C6: variants seen among roughly 807,000 people sequenced by gnomAD.
C6 encodes the protein complement component C6.
A neutral mutation model predicts 112.9 loss-of-function variants in C6; 101 were observed. That is an observed-to-expected ratio of 0.89 (90% CI 0.76 to 1.06). The LOEUF is 1.06. Ranked by LOEUF, C6 falls within the 50% of genes least tolerant of loss-of-function variation. The probability of loss-of-function intolerance (pLI) is 0.00; values close to 1 mark genes in which losing one functional copy is unlikely to be tolerated. For missense variants in C6, 1,202 were observed against 1,104.6 expected (o/e 1.09, Z -1.25); for synonymous variants, 431 against 384.1 (o/e 1.12, Z -1.43).
rs1044498258 is a variant in C6 at position 41,159,129 on chromosome 5, C to G, written c.1809G>C (p.Gly603=). 6.2e-7 allele frequency: 1 copy of G among 1,613,688 alleles called. No homozygotes were observed. Among genetic ancestry groups the G allele is most frequent in the Non-Finnish European group, 8.5e-7 (1 of 1,179,728 alleles). The change falls in exon 12 of 18, where the codon GGG becomes GGC. Residue 603 remains glycine (G), a synonymous_variant. Transcript: ENST00000337836. ...APQRGGKRCE[G]EKRQEEDCTF... ...TGCAGTCTTCCTCTTGTCGCTTCTC[C>G]CCCTCACAGCGTTTCCCTCCTCGTT...
chr5:41,229,346 T>TG (rs1739732492), intron 1 of C6, among the ~76,000 whole-genome samples: 1 of 151,336 alleles, frequency 6.6e-6, no homozygotes, highest in Non-Finnish European at 1.5e-5. Flanking sequence ...TTTTTTTTTT[T>TG]GCTGCATCCA....
At chr5:41,230,800 G>C (rs1352224842) in intron 1 of C6, among the ~76,000 whole-genome samples, 1 of 152,142 alleles carries the variant, frequency 6.6e-6, no homozygotes, top group South Asian at 2.1e-4. Flanking sequence ...TGGAGGCCCA[G>C]CTGTAAAATT....
At chr5:41,206,983 C>T (rs1158176741) in intron 1 of C6, among the ~76,000 whole-genome samples, 3 of 152,108 alleles carry the variant, frequency 2.0e-5, no homozygotes, top group South Asian at 2.1e-4. Context: ...AGAGAAAGGT[C>T]GGGTTACCCA....
At chr5:41,197,155 A>C (rs979438840) in intron 4 of C6, among the ~76,000 whole-genome samples, 2 of 152,144 alleles carry the variant, frequency 1.3e-5, no homozygotes, top group African/African-American at 4.8e-5. Flanking sequence ...CCAAGAAAGT[A>C]CTTGGTTTCA....
intron 4 of C6, among the ~76,000 whole-genome samples, chr5:41,196,320 G>GAC (rs538505165): frequency 6.6e-5 from 10 of 151,758 alleles, no homozygotes; most frequent in African/African-American, 1.9e-4. Context: ...TAACTTTATA[G>GAC]ACACACACAC....
rs1248018301 is a variant in C6 at position 41,149,500 on chromosome 5, G to C, written c.2382-18C>G. On this transcript the variant is annotated intron_variant, in intron 16 of 17. Coordinates refer to ENST00000337836, the MANE Select transcript of C6 (RefSeq NM_000065.5). ...AATGATGGCTGCCCAAGAGAGGAAAGCAAGCATTTCTATATGAAGATCAGA... is the reference window on the plus strand; with the variant it reads ...AATGATGGCTGCCCAAGAGAGGAAACCAAGCATTTCTATATGAAGATCAGA... The C allele has an allele frequency of 1.2e-6, 2 of 1,613,552 alleles. No individual in the cohort carries two copies. The highest frequency in any genetic ancestry group is 2.2e-5 in the South Asian group (2 of 91,076).
At chr5:41,158,207 A>T (rs1013629107) in intron 13 of C6, among the ~76,000 whole-genome samples, 1 of 152,108 alleles carries the variant, frequency 6.6e-6, no homozygotes, top group African/African-American at 2.4e-5. Context: ...TAAAAAAAAA[A>T]GTTGAAACTT....
chr5:41,211,708 A>C (rs1321228714), intron 1 of C6, among the ~76,000 whole-genome samples: 1 of 152,134 alleles, frequency 6.6e-6, no homozygotes, highest in Non-Finnish European at 1.5e-5. Context: ...AGCAAGAAAA[A>C]CTAAATAGAT....
At chr5:41,205,441 T>C (rs1387342071) in intron 1 of C6, among the ~76,000 whole-genome samples, 1 of 152,208 alleles carries the variant, frequency 6.6e-6, no homozygotes, top group African/African-American at 2.4e-5. Flanking sequence ...ACCTGGGATG[T>C]GCAAGGGGTC....
At chr5:41,180,562 C>A (rs1015243559) in intron 7 of C6, among the ~76,000 whole-genome samples, 1 of 151,862 alleles carries the variant, frequency 6.6e-6, no homozygotes, top group African/African-American at 2.4e-5. Context: ...CAGGAAAAGT[C>A]CAATACTTAG....
At chr5:41,208,931 T>G in intron 1 of C6, among the ~76,000 whole-genome samples, 1 of 152,092 alleles carries the variant, frequency 6.6e-6, no homozygotes, top group Admixed American at 6.6e-5. Flanking sequence ...AAGAGAATTT[T>G]AGACCAATAT....
At chr5:41,245,448 T>A (rs1740962020) in intron 1 of C6, among the ~76,000 whole-genome samples, 1 of 151,988 alleles carries the variant, frequency 6.6e-6, no homozygotes, top group African/African-American at 2.4e-5. Context: ...CTTGAACTCA[T>A]GGGTGGAGAT....
At chr5:41,256,643 A>G (rs1054580604) in intron 1 of C6, among the ~76,000 whole-genome samples, 2 of 152,154 alleles carry the variant, frequency 1.3e-5, no homozygotes, top group Admixed American at 6.5e-5. Context: ...GTTCTCTGGC[A>G]TAAAGCTTGC....
intron 1 of C6, among the ~76,000 whole-genome samples, chr5:41,239,750 C>T (rs1333125856): frequency 6.6e-6 from 1 of 152,122 alleles, no homozygotes. Context: ...CTTCCTTTCA[C>T]TTCTGGGTGT....
intron 1 of C6, among the ~76,000 whole-genome samples, chr5:41,234,876 T>G (rs1403417372): frequency 6.6e-6 from 1 of 152,114 alleles, no homozygotes; most frequent in African/African-American, 2.4e-5. Context: ...AGATAATTTA[T>G]TGTTGCCTGT....
Position 41,195,813 on chromosome 5 carries a change from C to G in C6, c.566G>C (p.Ser189Thr), listed in dbSNP as rs775903405. The G allele has an allele frequency of 6.2e-7, 1 of 1,613,922 alleles. No homozygotes were observed. The highest frequency in any genetic ancestry group is 1.7e-5 in the Admixed American group (1 of 59,994). ...VCTRKYNPIP[S>T]VQLMGNGFHF... ...ATACCCATTGCCCATCAACTGTACA[C>G]TAGGGATGGGATTATACTTCCGTGT... is the stretch of plus-strand genomic sequence containing the variant. Residue 189 changes from serine (S) to threonine (T), a missense_variant, in exon 5 of 18, where the codon AGT becomes ACT. By Grantham distance (58) the Ser-to-Thr change is moderately conservative. Transcript: ENST00000337836.
intron 1 of C6, among the ~76,000 whole-genome samples, chr5:41,246,655 A>G (rs184100316): frequency 1.3e-5 from 2 of 152,306 alleles, no homozygotes; most frequent in African/African-American, 4.8e-5. Context: ...AGTCCAGGGC[A>G]GTCTAACTCT....
intron 15 of C6, 95 bp from the exon 16 acceptor site, chr5:41,150,120 A>G (rs1746244625): frequency 1.2e-6 from 1 of 816,414 alleles, no homozygotes; most frequent in African/African-American, 1.7e-5. Context: ...TAAAGGATTC[A>G]TATTTATCTC....
chr5:41,172,563 T>G lies in C6; in HGVS notation c.1169-216A>C, dbSNP rs113169392. The G allele has an allele frequency of 1.3e-3, 769 of 597,202 alleles. 4 individuals carry two copies. The African/African-American group carries it at 0.013, about 10-fold the overall frequency. The allele number at this position is 597,202 out of a possible 1,614,324, so 37.0% of individuals were successfully genotyped here. A position where few individuals can be genotyped will look rare whatever the true frequency, so the allele number is the denominator to read the frequency against. On this transcript the variant is annotated intron_variant, in intron 8 of 17. Transcript: ENST00000337836. Reference sequence around the variant, plus strand: ...TGATCCTGAACAGGAGTCCCGTGAGTGCCCATCATCTCCCCTTTCAGCACT... The same window carrying G: ...TGATCCTGAACAGGAGTCCCGTGAGGGCCCATCATCTCCCCTTTCAGCACT...
Sources: allele counts gnomAD v4.1 joint callset (sites outside exome capture counted in the v4.1 genomes callset), GRCh38; gene constraint gnomAD v4.1.1; transcripts MANE v1.5; gene names NCBI Gene and HGNC (gene_info 2026-07-23, HGNC 2026-07-21).